The following CHD7 variants were observed in gnomAD, a reference collection of about 807,000 sequenced individuals.
The protein encoded by CHD7 is chromodomain helicase DNA binding protein 7.
Under a neutral mutation model 307.3 loss-of-function variants are expected in CHD7, and 24 were observed. That is an observed-to-expected ratio of 0.08 (90% CI 0.06 to 0.11). CHD7 has a LOEUF of 0.11. Ranked by LOEUF, CHD7 falls within the 10% of genes least tolerant of loss-of-function variation. The probability of loss-of-function intolerance (pLI) is 1.00; values close to 1 mark genes in which losing one functional copy is unlikely to be tolerated. For synonymous variants in CHD7, 1,363 were observed against 1,349.9 expected, an observed-to-expected ratio of 1.01 and a Z score of -0.21; for missense variants, 3,106 against 3,727.1, an observed-to-expected ratio of 0.83 and a Z score of 4.34.
At position 60,836,091 on chromosome 8, in the gene CHD7, T is replaced by G. The variant is rs756523960; in HGVS notation, c.3797T>G (p.Leu1266Trp). 6.2e-7 allele frequency: 1 copy of G among 1,611,602 alleles called. No homozygotes were observed. The change falls in exon 16 of 38, where the codon TTG becomes TGG. Residue 1266 changes from leucine (L) to tryptophan (W), a missense_variant. Physicochemically the swap from Leu to Trp is moderately conservative, Grantham distance 61. Transcript: ENST00000423902. Reference sequence around the variant, plus strand: ...TCTGCAGGTGCTGAAGAGAAAATTTTGGAAGAGTTTAAAGAAACACACAAT... The same window carrying G: ...TCTGCAGGTGCTGAAGAGAAAATTTGGGAAGAGTTTAAAGAAACACACAAT... Reference protein sequence around the residue: ...YLINGAEEKILEEFKETHNAE... With the variant: ...YLINGAEEKIWEEFKETHNAE...
intron 2 of CHD7, among the ~76,000 whole-genome samples, chr8:60,773,153 G>T (rs568420552): frequency 6.9e-6 from 1 of 145,880 alleles, no homozygotes; most frequent in Non-Finnish European, 1.5e-5. Flanking sequence ...TGCTGCCTCA[G>T]GGGGGTACCC....
intron 1 of CHD7, among the ~76,000 whole-genome samples, chr8:60,687,886 A>G (rs1231779688): frequency 6.6e-6 from 1 of 152,234 alleles, no homozygotes; most frequent in African/African-American, 2.4e-5. Flanking sequence ...ATCTGTGTAC[A>G]TAAGCATGGT....
intron 1 of CHD7, among the ~76,000 whole-genome samples, chr8:60,707,068 T>C (rs1807059674): frequency 6.6e-6 from 1 of 152,182 alleles, no homozygotes; most frequent in Non-Finnish European, 1.5e-5. Context: ...GAACATGCAG[T>C]AATCTACAAA....
intron 1 of CHD7, among the ~76,000 whole-genome samples, chr8:60,695,926 G>A (rs905749829): frequency 2.1e-5 from 3 of 145,756 alleles, no homozygotes; most frequent in African/African-American, 7.9e-5. Context: ...GAGACTGTGT[G>A]TATAAAGATC....
intron 1 of CHD7, among the ~76,000 whole-genome samples, chr8:60,715,684 T>A (rs1034502166): frequency 1.3e-5 from 2 of 152,136 alleles, no homozygotes; most frequent in Non-Finnish European, 2.9e-5. Flanking sequence ...TGAGTCATGT[T>A]AGCCGCTGGT....
At position 60,721,255 on chromosome 8, in the gene CHD7, C is replaced by T. The variant is rs181106346; in HGVS notation, c.-174-20004C>T. ...TTATAAAGTGGTCATAAGGTAGGATCCTGATCTGACAGGACTAGTGGTCTT... is the reference window on the plus strand; with the variant it reads ...TTATAAAGTGGTCATAAGGTAGGATTCTGATCTGACAGGACTAGTGGTCTT... On this transcript the variant is annotated intron_variant, in intron 1 of 37. Coordinates refer to ENST00000423902, the MANE Select transcript of CHD7 (RefSeq NM_017780.4). Among the ~76,000 whole-genome samples, 1,172 of 152,250 alleles carry T rather than the reference C, an allele frequency of 7.7e-3. 5 individuals are homozygous for T. Among genetic ancestry groups the T allele is most frequent in the Non-Finnish European group, 0.012 (817 of 68,022 alleles).
At chr8:60,816,755 A>G (rs919456882) in intron 8 of CHD7, among the ~76,000 whole-genome samples, 2 of 152,224 alleles carry the variant, frequency 1.3e-5, no homozygotes, top group African/African-American at 4.8e-5. Flanking sequence ...AAATCGTGTA[A>G]TGAAAGTACA....
intron 2 of CHD7, among the ~76,000 whole-genome samples, chr8:60,759,917 G>A (rs1378947587): frequency 6.6e-6 from 1 of 152,162 alleles, no homozygotes; most frequent in Non-Finnish European, 1.5e-5. Context: ...TGACTGCCTA[G>A]TATGTGATAC....
Position 60,867,124 on chromosome 8 carries a change from A to G in CHD7, c.*1191A>G, listed in dbSNP as rs1280537157. 1 of 152,228 alleles carries G rather than the reference A, an allele frequency of 6.6e-6. No homozygotes were observed. The highest frequency in any genetic ancestry group is 1.5e-5 in the Non-Finnish European group (1 of 68,034). The allele number at this position is 152,228 out of a possible 1,614,324, so 9.4% of individuals were successfully genotyped here. A position where few individuals can be genotyped will look rare whatever the true frequency, so the allele number is the denominator to read the frequency against. On this transcript the variant is annotated 3_prime_UTR_variant, in exon 38 of 38. Coordinates refer to ENST00000423902, the MANE Select transcript of CHD7 (RefSeq NM_017780.4). ...TTCCACTCCAGATATCTCAACAGAAATGCATACAAAAAGCTCCTATTACTC... is the reference window on the plus strand; with the variant it reads ...TTCCACTCCAGATATCTCAACAGAAGTGCATACAAAAAGCTCCTATTACTC...
chr8:60,701,385 GTAA>G (rs2150507816), intron 1 of CHD7, among the ~76,000 whole-genome samples: 1 of 152,324 alleles, frequency 6.6e-6, no homozygotes, highest in South Asian at 2.1e-4. Flanking sequence ...CAAAATAAGT[GTAA>G]GTCCTTAAGG....
chr8:60,757,018 C>T (rs1223591584), intron 2 of CHD7, among the ~76,000 whole-genome samples: 1 of 152,148 alleles, frequency 6.6e-6, no homozygotes, highest in African/African-American at 2.4e-5. Flanking sequence ...AAAAGAGGAT[C>T]GTAGGATGAA....
At chr8:60,777,014 A>G (rs963761215) in intron 2 of CHD7, among the ~76,000 whole-genome samples, 3 of 152,152 alleles carry the variant, frequency 2.0e-5, no homozygotes, top group African/African-American at 7.2e-5. Context: ...TATTTATGTT[A>G]CTTGGGACTT....
intron 1 of CHD7, among the ~76,000 whole-genome samples, chr8:60,731,336 T>A (rs1473737121): frequency 1.3e-5 from 2 of 152,256 alleles, no homozygotes; most frequent in Admixed American, 1.3e-4. Flanking sequence ...AAATTTGTGC[T>A]AATTTTGCTG....
chr8:60,768,760 T>A (rs1471550392), intron 2 of CHD7, among the ~76,000 whole-genome samples: 3 of 152,154 alleles, frequency 2.0e-5, no homozygotes, highest in African/African-American at 7.2e-5. Flanking sequence ...CTGGACTAGA[T>A]ATCAGACGAC....
chr8:60,695,082 C>T (rs1240740398), intron 1 of CHD7, among the ~76,000 whole-genome samples: 1 of 152,108 alleles, frequency 6.6e-6, no homozygotes, highest in Non-Finnish European at 1.5e-5. Context: ...GGAAGAGGGA[C>T]TAGGAGCCTG....
At position 60,837,715 on chromosome 8, in the gene CHD7, C is replaced by G. The variant is rs1563644907; in HGVS notation, c.4233C>G (p.Ile1411Met). The G allele has an allele frequency of 1.3e-6, 2 of 1,599,628 alleles. No homozygotes were observed. The highest frequency in any genetic ancestry group is 1.7e-6 in the Non-Finnish European group (2 of 1,172,404). ...HRIGQSKSVK[I>M]YRLITRNSYE... ...TAGGACAGAGCAAATCTGTGAAAAT[C>G]TACAGGCTGATTACAAGAAATTCCT... Residue 1411 changes from isoleucine to methionine, a missense_variant, in exon 18 of 38, where the codon ATC (isoleucine) becomes ATG (methionine). Physicochemically the swap from Ile to Met is conservative, Grantham distance 10. This residue lies in a region of CHD7 where 93 missense variants were observed against 176.4 expected (regional missense o/e 0.53). Coordinates refer to ENST00000423902, the MANE Select transcript of CHD7 (RefSeq NM_017780.4).
At chr8:60,775,515 C>G (rs1810909347) in intron 2 of CHD7, among the ~76,000 whole-genome samples, 1 of 152,162 alleles carries the variant, frequency 6.6e-6, no homozygotes, top group African/African-American at 2.4e-5. Flanking sequence ...GACAGATGGA[C>G]AGATACACAT....
intron 1 of CHD7, among the ~76,000 whole-genome samples, chr8:60,684,507 A>C (rs1481831144): frequency 6.6e-6 from 1 of 152,172 alleles, no homozygotes; most frequent in Non-Finnish European, 1.5e-5. Flanking sequence ...TGCCAGGAGG[A>C]GTGAGAGCTT....
intron 3 of CHD7, among the ~76,000 whole-genome samples, chr8:60,794,047 G>A (rs559619262): frequency 9.5e-4 from 144 of 152,164 alleles, no homozygotes; most frequent in Admixed American, 2.2e-3. Context: ...GCTTGGACCC[G>A]GGAGGCGGAG....
Sources: gnomAD v4.1 joint callset for allele counts (sites outside exome capture counted in the v4.1 genomes callset) on GRCh38, gnomAD v4.1.1 for gene constraint, gnomAD v4.1.1 regional missense constraint, MANE v1.5 for transcripts, NCBI Gene and HGNC (gene_info 2026-07-23, HGNC 2026-07-21) for gene names.